EPHA6: variants seen among roughly 807,000 people sequenced by gnomAD.
EPHA6 encodes EPH receptor A6.
A neutral mutation model predicts 112.0 loss-of-function variants in EPHA6; 50 were observed. The ratio of observed to expected loss-of-function variants is 0.45; its 90% CI spans 0.36 to 0.56. The LOEUF (loss-of-function observed/expected upper bound fraction) is 0.56, where lower values mean the gene tolerates loss of function less well. Ranked by LOEUF, EPHA6 falls within the 20% of genes least tolerant of loss-of-function variation. The pLI is 0.00. For missense variants in EPHA6, 1,280 were observed against 1,417.4 expected (o/e 0.90, Z 1.56); for synonymous variants, 529 against 490.7 (o/e 1.08, Z -1.03).
chr3:96,891,402 G>C (rs931212973), intron 2 of EPHA6, among the ~76,000 whole-genome samples: 1 of 152,178 alleles, frequency 6.6e-6, no homozygotes, highest in Non-Finnish European at 1.5e-5. Flanking sequence ...TATAGTCTTT[G>C]AGGTCACGAT....
intron 2 of EPHA6, among the ~76,000 whole-genome samples, chr3:96,888,366 G>T (rs1159741638): frequency 1.3e-5 from 2 of 152,098 alleles, no homozygotes; most frequent in Non-Finnish European, 2.9e-5. Context: ...CACCAGTTGG[G>T]GTGTATGTTG....
chr3:97,500,297 A>T (rs1158889546), intron 10 of EPHA6, among the ~76,000 whole-genome samples: 1 of 151,962 alleles, frequency 6.6e-6, no homozygotes, highest in African/African-American at 2.4e-5. Context: ...TTTTTTTAAA[A>T]AAAGAGGTTT....
chr3:97,206,185 C>T (rs921176584), intron 3 of EPHA6, among the ~76,000 whole-genome samples: 3 of 151,772 alleles, frequency 2.0e-5, no homozygotes, highest in African/African-American at 7.3e-5. Context: ...CTGTTCTCAC[C>T]TTCATCGTCT....
chr3:97,466,590 T>C, intron 7 of EPHA6: 1 of 680,718 alleles, frequency 1.5e-6, no homozygotes, highest in Non-Finnish European at 2.7e-6. Flanking sequence ...CTCTGATGGG[T>C]TTGTCTTCAG....
At position 97,591,417 on chromosome 3, in the gene EPHA6, C is replaced by T. The variant is rs144856239; in HGVS notation, c.2387-1195C>T. The stretch of plus-strand genomic sequence containing the variant: ...GTCAAGATACAAAGTGAGGTCTCTT[C>T]GCAAACACAGAACTTGCTAAATCTG... On this transcript the variant is annotated intron_variant, in intron 11 of 17. Coordinates refer to ENST00000389672, the MANE Select transcript of EPHA6 (RefSeq NM_001080448.3). Among the ~76,000 whole-genome samples, 1,309 of 152,224 alleles carry T rather than the reference C, an allele frequency of 8.6e-3. 9 individuals are homozygous for T. Among genetic ancestry groups the T allele is most frequent in the African/African-American group, 0.028 (1,153 of 41,530 alleles).
chr3:97,178,508 C>T (rs898730306), intron 3 of EPHA6, among the ~76,000 whole-genome samples: 17 of 151,986 alleles, frequency 1.1e-4, no homozygotes, highest in African/African-American at 3.6e-4. Flanking sequence ...TTGCAGTGCT[C>T]CCTTTAGCAT....
At chr3:97,007,430 G>GC (rs1158275247) in intron 3 of EPHA6, among the ~76,000 whole-genome samples, 2 of 9,756 alleles carry the variant, frequency 2.1e-4, no homozygotes, top group East Asian at 4.5e-3. Flanking sequence ...TGCGGTCCCT[G>GC]CTTTTTTTTT....
chr3:97,087,030 A>G (rs774694468), intron 3 of EPHA6, among the ~76,000 whole-genome samples: 1 of 152,146 alleles, frequency 6.6e-6, no homozygotes, highest in South Asian at 2.1e-4. Flanking sequence ...TCCTGTGGGC[A>G]TGTCACAAAG....
In EPHA6 at chr3:97,592,678, G is replaced by A. The variant is rs1430718481; in HGVS notation, c.2453G>A (p.Ser818Asn). ...TTCCTGAGGGCAGGGTTTTTAAATA[G>A]CATCCAGGCCCCGCATCCAGTGCCA... is the stretch of plus-strand genomic sequence containing the variant. The part of the protein sequence containing the change: ...PSFLRAGFLN[S>N]IQAPHPVPGG... The change falls in exon 12 of 18, where the codon AGC becomes AAC. Residue 818 changes from serine (S) to asparagine (N), a missense_variant. Coordinates refer to ENST00000389672, the MANE Select transcript of EPHA6 (RefSeq NM_001080448.3). 7 of 1,612,766 alleles carry A rather than the reference G, an allele frequency of 4.3e-6. No homozygotes were observed. The highest frequency in any genetic ancestry group is 5.9e-6 in the Non-Finnish European group (7 of 1,179,574).
intron 15 of EPHA6, among the ~76,000 whole-genome samples, chr3:97,724,859 C>A (rs1179353472): frequency 6.6e-6 from 1 of 151,960 alleles, no homozygotes; most frequent in Non-Finnish European, 1.5e-5. Flanking sequence ...GTTATCCCCA[C>A]CCCCAAATAG....
intron 2 of EPHA6, among the ~76,000 whole-genome samples, chr3:96,870,823 G>A (rs1170780005): frequency 6.6e-6 from 1 of 152,012 alleles, no homozygotes; most frequent in African/African-American, 2.4e-5. Flanking sequence ...AAGGTTGGAT[G>A]TACTATGATA....
intron 2 of EPHA6, among the ~76,000 whole-genome samples, chr3:96,938,557 G>C (rs564631613): frequency 3.3e-5 from 5 of 152,266 alleles, no homozygotes; most frequent in Admixed American, 2.0e-4. Flanking sequence ...TCTGCAAACA[G>C]GGACAATTTG....
At chr3:97,715,659 A>G (rs2034183981) in intron 14 of EPHA6, among the ~76,000 whole-genome samples, 1 of 152,188 alleles carries the variant, frequency 6.6e-6, no homozygotes, top group Non-Finnish European at 1.5e-5. Context: ...CTACATTTCA[A>G]TTGATTGGTC....
At chr3:97,406,916 T>G (rs2087386242) in intron 6 of EPHA6, among the ~76,000 whole-genome samples, 2 of 152,120 alleles carry the variant, frequency 1.3e-5, no homozygotes, top group Non-Finnish European at 2.9e-5. Context: ...CTGGTTTAAA[T>G]ATATTTTCAT....
chr3:97,588,435 A>C (rs1307686143), intron 11 of EPHA6, among the ~76,000 whole-genome samples: 1 of 152,216 alleles, frequency 6.6e-6, no homozygotes, highest in East Asian at 1.9e-4. Flanking sequence ...AATGCAACCT[A>C]ATGAAAACAA....
At chr3:96,876,682 C>CT (rs2036974162) in intron 2 of EPHA6, among the ~76,000 whole-genome samples, 1 of 151,976 alleles carries the variant, frequency 6.6e-6, no homozygotes, top group Non-Finnish European at 1.5e-5. Context: ...CAAAAAAGAC[C>CT]TTTTTGGTAG....
Position 96,987,314 on chromosome 3 carries a change from T to C in EPHA6, c.451-16T>C. ...GTGGTTTAAAATCACTTAATTACTT[T>C]TTTCCCTTTTTGCAGTGGGATGCCA... On this transcript the variant is annotated splice_polypyrimidine_tract_variant and intron_variant, in intron 2 of 17. Transcript: ENST00000389672. 1 of 1,571,028 alleles carries C rather than the reference T, an allele frequency of 6.4e-7. No homozygotes were observed. The highest frequency in any genetic ancestry group is 8.7e-7 in the Non-Finnish European group (1 of 1,154,822).
chr3:97,728,085 T>C (rs1004256657), intron 15 of EPHA6, among the ~76,000 whole-genome samples: 1 of 152,094 alleles, frequency 6.6e-6, no homozygotes, highest in Non-Finnish European at 1.5e-5. Flanking sequence ...ATGATTTTTA[T>C]TCATTTTCAT....
At chr3:97,412,310 C>G (rs1183777839) in intron 6 of EPHA6, among the ~76,000 whole-genome samples, 2 of 152,052 alleles carry the variant, frequency 1.3e-5, no homozygotes, top group Non-Finnish European at 2.9e-5. Flanking sequence ...AATCCCACTT[C>G]TGCTAAATTG....
Sources: allele counts gnomAD v4.1 joint callset (sites outside exome capture counted in the v4.1 genomes callset), GRCh38; gene constraint gnomAD v4.1.1; transcripts MANE v1.5; gene names NCBI Gene and HGNC (gene_info 2026-07-23, HGNC 2026-07-21).